The following TCF3 variants were observed in gnomAD, a reference collection of about 807,000 sequenced individuals.
The protein encoded by TCF3 is transcription factor 3.
Under a neutral mutation model 72.3 loss-of-function variants are expected in TCF3, and 54 were observed. That is an observed-to-expected ratio of 0.75 (90% CI 0.60 to 0.94). The LOEUF is 0.94. Among genes scored for constraint, TCF3 ranks in the 40% least tolerant of loss-of-function variants. The pLI is 0.00. For missense variants in TCF3, 1,078 were observed against 934.4 expected, an observed-to-expected ratio of 1.15 and a Z score of -2.00; for synonymous variants, 525 against 412.6, an observed-to-expected ratio of 1.27 and a Z score of -3.30.
intron 14 of TCF3, 39 bp downstream of exon 14, chr19:1,619,741 T>C: frequency 1.4e-6 from 1 of 721,076 alleles, no homozygotes; most frequent in Non-Finnish European, 1.8e-6. Flanking sequence ...CTGCAAATTC[T>C]GTCGGGGAAG....
At chr19:1,651,045 C>T (rs1300013248) in intron 1 of TCF3, 2 of 232,136 alleles carry the variant, frequency 8.6e-6, no homozygotes, top group Non-Finnish European at 1.7e-5. Context: ...GACAACATCC[C>T]TTGCCTGCCC....
intron 8 of TCF3, among the ~76,000 whole-genome samples, 173 bp downstream of exon 8, chr19:1,623,778 G>A (rs956205878): frequency 1.1e-4 from 17 of 152,130 alleles, no homozygotes; most frequent in Non-Finnish European, 2.2e-4. Context: ...GGACTTCCCC[G>A]CCTTCCCTTG....
chr19:1,633,293 C>A (rs2063944892), intron 3 of TCF3, among the ~76,000 whole-genome samples: 1 of 152,106 alleles, frequency 6.6e-6, no homozygotes, highest in South Asian at 2.1e-4. Flanking sequence ...CCTTGGTTTC[C>A]CTCTCTATAA....
chr19:1,636,051 T>G (rs2064356009), intron 3 of TCF3, among the ~76,000 whole-genome samples: 1 of 152,216 alleles, frequency 6.6e-6, no homozygotes, highest in South Asian at 2.1e-4. Flanking sequence ...CTGCAGCTTG[T>G]GATGCTTCTC....
At chr19:1,648,251 C>T (rs538964588) in intron 2 of TCF3, among the ~76,000 whole-genome samples, 33 of 152,342 alleles carry the variant, frequency 2.2e-4, no homozygotes, top group Admixed American at 4.6e-4. Context: ...GGGCAGAAGG[C>T]AGGCATGCAG....
At chr19:1,626,024 G>A (rs1464758411) in intron 6 of TCF3, among the ~76,000 whole-genome samples, 2 of 152,194 alleles carry the variant, frequency 1.3e-5, no homozygotes, top group African/African-American at 4.8e-5. Flanking sequence ...TGTGCACCCG[G>A]CTGCTTCCTA....
At chr19:1,626,241 G>A (rs1357791425) in intron 6 of TCF3, among the ~76,000 whole-genome samples, 3 of 151,978 alleles carry the variant, frequency 2.0e-5, no homozygotes, top group African/African-American at 4.8e-5. Context: ...ACCTGAGGTC[G>A]GGAGTTCAAG....
At chr19:1,622,659 C>T (rs752053026) in intron 8 of TCF3, among the ~76,000 whole-genome samples, 8 of 152,178 alleles carry the variant, frequency 5.3e-5, no homozygotes, top group Non-Finnish European at 1.0e-4. Flanking sequence ...AACTTCTGAC[C>T]TTTGTACTTG....
intron 3 of TCF3, among the ~76,000 whole-genome samples, chr19:1,638,962 A>T (rs2064852059): frequency 6.6e-6 from 1 of 152,242 alleles, no homozygotes; most frequent in Non-Finnish European, 1.5e-5. Context: ...GACTCAGGAG[A>T]TACAACCAGG....
At position 1,611,195 on chromosome 19, in the gene TCF3, T is replaced by TA. The variant is rs1199145473; in HGVS notation, c.*511dup. On this transcript the variant is annotated 3_prime_UTR_variant, in exon 19 of 19. Transcript: ENST00000262965. ...TTGTAACTAATGTTTTTATTTTCCT[T>TA]AAAAAAAATATTTCGCTTAGGCACA... 6.2e-5 allele frequency: 16 copies of TA among 256,084 alleles called. No individual in the cohort carries two copies. The highest frequency in any genetic ancestry group is 1.1e-4 in the Non-Finnish European group (15 of 134,656). 15.9% of individuals were successfully genotyped at this position (256,084 alleles called of 1,614,324 possible). A position where few individuals can be genotyped will look rare whatever the true frequency, so the allele number is the denominator to read the frequency against.
intron 3 of TCF3, among the ~76,000 whole-genome samples, chr19:1,642,214 G>A (rs541957208): frequency 2.0e-5 from 3 of 149,500 alleles, no homozygotes; most frequent in East Asian, 2.0e-4. Context: ...ACGCACACAC[G>A]CGCAGACGCA....
chr19:1,636,202 C>T (rs2064383423), intron 3 of TCF3, among the ~76,000 whole-genome samples: 1 of 152,136 alleles, frequency 6.6e-6, no homozygotes, highest in Admixed American at 6.5e-5. Context: ...TCTTGTTGCC[C>T]AGGCTGGAGT....
intron 1 of TCF3, chr19:1,651,278 C>A (rs1331571190): frequency 4.4e-6 from 1 of 228,490 alleles, no homozygotes; most frequent in African/African-American, 2.2e-5. Flanking sequence ...CCGGGAGACA[C>A]CTCCGAGGCT....
chr19:1,626,696 G>A (rs2062925229), intron 6 of TCF3, among the ~76,000 whole-genome samples: 1 of 152,230 alleles, frequency 6.6e-6, no homozygotes, highest in South Asian at 2.1e-4. Flanking sequence ...GTAGGCCGCG[G>A]CCCCTCGTTG....
Position 1,622,549 on chromosome 19 carries a change from C to G in TCF3, c.550-134G>C, listed in dbSNP as rs555077180. 2.3e-4 allele frequency: 122 copies of G among 534,380 alleles called. 2 individuals are homozygous for G. The South Asian group carries it at 2.6e-3, about 12-fold the overall frequency. The allele number at this position is 534,380 out of a possible 1,614,324, so 33.1% of individuals were successfully genotyped here. On this transcript the variant is annotated intron_variant, in intron 8 of 18. Transcript: ENST00000262965. ...TTTCCCTTCCCTGTAAAGCCACCCC[C>G]CTTTAGGTAAATCCCAGCCCCTGGC... is the stretch of plus-strand genomic sequence containing the variant.
intron 3 of TCF3, among the ~76,000 whole-genome samples, chr19:1,634,469 G>A (rs2064132292): frequency 1.3e-5 from 2 of 152,242 alleles, no homozygotes; most frequent in African/African-American, 4.8e-5. Context: ...GGCCCCAGGA[G>A]CGGCCCACCC....
rs747041554 is a variant in TCF3, at chr19:1,615,578, G to A, written c.1587-58C>T. ...GAGACAGTGAGGTTGGGGGAAGAGC[G>A]TGGGGCCCGCCGACGGCCTCCCAGT... is the stretch of plus-strand genomic sequence containing the variant. On this transcript the variant is annotated intron_variant, in intron 17 of 18. Transcript: ENST00000262965. This position sits in a 1 kb window ranked among gnomAD's most constrained non-coding sequence, Gnocchi z 7.3. 18 of 1,605,118 alleles carry A rather than the reference G, an allele frequency of 1.1e-5. No individual in the cohort carries two copies. The highest frequency in any genetic ancestry group is 3.3e-4 in the Middle Eastern group (2 of 6,074).
At position 1,650,294 on chromosome 19, in the gene TCF3, G is replaced by A. The variant is rs1362001129; in HGVS notation, c.-39-7C>T. The stretch of plus-strand genomic sequence containing the variant: ...CACCTCAGGCCTGGAAACCCTGCTT[G>A]GTGGATGTGGGGACAGATGGACAGG... On this transcript the variant is annotated splice_polypyrimidine_tract_variant and splice_region_variant and intron_variant, in intron 1 of 18. Coordinates refer to ENST00000262965, the MANE Select transcript of TCF3 (RefSeq NM_003200.5). 2 of 1,523,630 alleles carry A rather than the reference G, an allele frequency of 1.3e-6. No homozygotes were observed. Among genetic ancestry groups the A allele is most frequent in the East Asian group, 2.4e-5 (1 of 41,390 alleles). The allele number at this position is 1,523,630 out of a possible 1,614,324, so 94.4% of individuals were successfully genotyped here. A position where few individuals can be genotyped will look rare whatever the true frequency, so the allele number is the denominator to read the frequency against.
At chr19:1,647,331 A>G (rs895170553) in intron 2 of TCF3, among the ~76,000 whole-genome samples, 3 of 152,236 alleles carry the variant, frequency 2.0e-5, no homozygotes, top group Non-Finnish European at 4.4e-5. Context: ...TCGGGGCTTA[A>G]GTGATCAAAG....
Sources: gnomAD v4.1 joint callset for allele counts (sites outside exome capture counted in the v4.1 genomes callset) on GRCh38, gnomAD v4.1.1 for gene constraint, Gnocchi (gnomAD v3.1) non-coding constraint, MANE v1.5 for transcripts, NCBI Gene and HGNC (gene_info 2026-07-23, HGNC 2026-07-21) for gene names.